Variants in SPMIP4 observed in about 807,000 individuals in gnomAD.
SPMIP4 encodes the protein sperm-associated microtubule inner protein 4.
At chr7:25,132,013 T>C in the SPMIP4 span, among the ~76,000 whole-genome samples, 4 of 152,088 alleles carry the variant, frequency 2.6e-5, no homozygotes, top group African/African-American at 7.2e-5. The surrounding 1 kb of genome is among the most constrained non-coding windows in gnomAD (Gnocchi z 5.0). Context: ...TTAACAAACA[T>C]GGACCAGAAG....
the SPMIP4 span, among the ~76,000 whole-genome samples, chr7:25,165,029 G>T: frequency 1.3e-5 from 2 of 152,114 alleles, no homozygotes; most frequent in South Asian, 2.1e-4. Context: ...TCGGTTAATG[G>T]GCACTTGGGC....
chr7:25,168,329 C>T, the SPMIP4 span: 6 of 1,610,978 alleles, frequency 3.7e-6, no homozygotes, highest in Non-Finnish European at 5.1e-6. Flanking sequence ...TGCTGATGTC[C>T]TTTGCCCATG....
chr7:25,156,710 C>T, the SPMIP4 span, among the ~76,000 whole-genome samples: 607 of 152,240 alleles, frequency 4.0e-3, 7 homozygotes, highest in African/African-American at 0.014. Flanking sequence ...ATTTTTGAGA[C>T]AGAGTCTTGC....
the SPMIP4 span, among the ~76,000 whole-genome samples, chr7:25,145,137 A>G: frequency 6.6e-6 from 1 of 151,846 alleles, no homozygotes; most frequent in African/African-American, 2.4e-5. Flanking sequence ...TAATTTTTGT[A>G]CTTTTAGTAG....
At chr7:25,133,385 G>C in the SPMIP4 span, among the ~76,000 whole-genome samples, 2 of 152,178 alleles carry the variant, frequency 1.3e-5, no homozygotes, top group African/African-American at 2.4e-5. Flanking sequence ...GTTGTCTTCT[G>C]TAAATGACTT....
At chr7:25,158,605 G>A in the SPMIP4 span, 1 of 1,214,376 alleles carries the variant, frequency 8.2e-7, no homozygotes, top group Non-Finnish European at 1.2e-6. Flanking sequence ...TTAGAAACTT[G>A]ATTAATGATA....
chr7:25,158,736 A>G, the SPMIP4 span, among the ~76,000 whole-genome samples: 11 of 151,746 alleles, frequency 7.2e-5, no homozygotes, highest in African/African-American at 2.2e-4. Context: ...GAAAAATACC[A>G]AAAATACCAA....
the SPMIP4 span, among the ~76,000 whole-genome samples, chr7:25,174,529 G>C: frequency 6.6e-6 from 1 of 152,166 alleles, no homozygotes; most frequent in African/African-American, 2.4e-5. This position sits in a 1 kb window ranked among gnomAD's most constrained non-coding sequence, Gnocchi z 4.5. Context: ...CGTGACTAGA[G>C]AAAAGCTCGA....
the SPMIP4 span, among the ~76,000 whole-genome samples, chr7:25,169,301 G>A: frequency 5.3e-5 from 8 of 152,076 alleles, no homozygotes; most frequent in East Asian, 1.6e-3. Flanking sequence ...AGATAAGTGC[G>A]AGCATCCCCA....
chr7:25,127,344 T>G, the SPMIP4 span, among the ~76,000 whole-genome samples: 1 of 152,216 alleles, frequency 6.6e-6, no homozygotes, highest in Admixed American at 6.5e-5. Context: ...GAAGCCAGTT[T>G]CTAGATCTTA....
At chr7:25,162,350 T>A in the SPMIP4 span, among the ~76,000 whole-genome samples, 3 of 149,262 alleles carry the variant, frequency 2.0e-5, no homozygotes, top group Non-Finnish European at 3.0e-5. Flanking sequence ...GACAAAACCG[T>A]AGAAGTTCAA....
the SPMIP4 span, chr7:25,180,296 G>A: frequency 6.6e-6 from 1 of 152,352 alleles, no homozygotes; most frequent in East Asian, 1.9e-4. Flanking sequence ...GCAAGAATGC[G>A]AAGAGGAACC....
chr7:25,156,271 T>G, the SPMIP4 span, among the ~76,000 whole-genome samples: 3 of 151,254 alleles, frequency 2.0e-5, no homozygotes, highest in South Asian at 6.3e-4. Context: ...CGGGACAGAG[T>G]CTCTATCACA....
the SPMIP4 span, among the ~76,000 whole-genome samples, chr7:25,130,637 T>G: frequency 6.6e-6 from 1 of 152,166 alleles, no homozygotes; most frequent in Non-Finnish European, 1.5e-5. Context: ...CTACACCTAC[T>G]TCTTAGCAAT....
chr7:25,127,947 C>T, the SPMIP4 span, among the ~76,000 whole-genome samples: 2 of 152,218 alleles, frequency 1.3e-5, no homozygotes, highest in Non-Finnish European at 2.9e-5. Flanking sequence ...AAAACTATAG[C>T]TTTTGCAGAC....
chr7:25,179,123 G>A, the SPMIP4 span: 16 of 1,530,108 alleles, frequency 1.0e-5, no homozygotes, highest in Non-Finnish European at 1.3e-5. Flanking sequence ...TAAAATACAC[G>A]AATACATTAA....
the SPMIP4 span, chr7:25,179,500 G>T: frequency 4.4e-6 from 2 of 457,612 alleles, no homozygotes; most frequent in Non-Finnish European, 7.4e-6. Context: ...AAGTTCTATG[G>T]AAATAAATTT....
chr7:25,177,032 T>C, the SPMIP4 span, among the ~76,000 whole-genome samples: 1 of 152,238 alleles, frequency 6.6e-6, no homozygotes, highest in Non-Finnish European at 1.5e-5. Flanking sequence ...GAATGACTAT[T>C]CTGCATAGCT....
the SPMIP4 span, among the ~76,000 whole-genome samples, chr7:25,153,615 T>C: frequency 1.3e-5 from 2 of 152,206 alleles, no homozygotes; most frequent in Non-Finnish European, 2.9e-5. Context: ...CTGTGATTTC[T>C]TGCTAACTAT....
Sources: gnomAD v4.1 joint callset for allele counts (sites outside exome capture counted in the v4.1 genomes callset) on GRCh38, gnomAD v4.1.1 for gene constraint, Gnocchi (gnomAD v3.1) non-coding constraint, MANE v1.5 for transcripts, NCBI Gene and HGNC (gene_info 2026-07-23, HGNC 2026-07-21) for gene names.